ZRANB3: variants seen among roughly 807,000 people sequenced by gnomAD.
The protein encoded by ZRANB3 is zinc finger RANBP2-type containing 3.
ZRANB3 carries 125 observed loss-of-function variants against 133.8 expected under a neutral mutation model. That is an observed-to-expected ratio of 0.93 (90% CI 0.81 to 1.08). The LOEUF is 1.08. Among genes scored for constraint, ZRANB3 ranks in the 50% least tolerant of loss-of-function variants. The pLI, the probability that ZRANB3 is intolerant of heterozygous loss-of-function variation, is 0.00. For missense variants in ZRANB3, 1,229 were observed against 1,275.5 expected (o/e 0.96, Z 0.56); for synonymous variants, 387 against 432.7 (o/e 0.89, Z 1.31).
intron 3 of ZRANB3, among the ~76,000 whole-genome samples, chr2:135,375,601 C>G (rs565831032): frequency 6.6e-6 from 1 of 151,966 alleles, no homozygotes; most frequent in African/African-American, 2.4e-5. Flanking sequence ...AGGAAAATGG[C>G]GTGAACCTGG....
intron 4 of ZRANB3, among the ~76,000 whole-genome samples, chr2:135,353,054 C>G (rs921284155): frequency 9.2e-5 from 14 of 152,070 alleles, no homozygotes; most frequent in African/African-American, 3.4e-4. Context: ...TATTAATTAA[C>G]AAATTGGAAA....
intron 4 of ZRANB3, 144 bp from the exon 5 acceptor site, chr2:135,350,359 T>G (rs1437601835): frequency 1.7e-6 from 1 of 596,262 alleles, no homozygotes; most frequent in Non-Finnish European, 2.7e-6. Flanking sequence ...ACTGAAACTC[T>G]GAAGATTTCA....
chr2:135,344,240 C>T lies in ZRANB3; in HGVS notation c.677+1310G>A, dbSNP rs114943806. ...ATAAAGTTACTTTTCTAAAATGAAG[C>T]GTTCGGCAATAGCAGACGTGAAAAT... On this transcript the variant is annotated intron_variant, in intron 6 of 20. Transcript: ENST00000264159. Among the ~76,000 whole-genome samples, 1,087 of 152,188 alleles carry T rather than the reference C, an allele frequency of 7.1e-3. 11 individuals are homozygous for T. Among genetic ancestry groups the T allele is most frequent in the South Asian group, 0.042 (201 of 4,816 alleles).
At chr2:135,431,859 A>G (rs1689339245) in intron 2 of ZRANB3, among the ~76,000 whole-genome samples, 1 of 152,210 alleles carries the variant, frequency 6.6e-6, no homozygotes, top group Admixed American at 6.6e-5. Flanking sequence ...TGCTGGTGGA[A>G]ATGAAAAATA....
Position 135,217,718 on chromosome 2 carries a change from T to G in ZRANB3, c.2353-111A>C, listed in dbSNP as rs1373584332. 3 of 1,327,698 alleles carry G rather than the reference T, an allele frequency of 2.3e-6. No homozygotes were observed. In the East Asian group the frequency reaches 7.5e-5, roughly 33 times the overall value. The allele number at this position is 1,327,698 out of a possible 1,614,324, so 82.2% of individuals were successfully genotyped here. ...CTGCTATTTTGTTATGTCCCCCAAA[T>G]AGGCTTTTGAGTTCCATAACCTAAG... On this transcript the variant is annotated intron_variant, in intron 16 of 20. Transcript: ENST00000264159.
chr2:135,419,893 C>T (rs551193465), intron 2 of ZRANB3, among the ~76,000 whole-genome samples: 2 of 151,578 alleles, frequency 1.3e-5, no homozygotes, highest in African/African-American at 4.8e-5. Context: ...AGAATCCTCC[C>T]TTAACAGCCT....
rs967669306 is a variant in ZRANB3, at chr2:135,291,495, T to A, written c.967-15740A>T. Among the ~76,000 whole-genome samples the A allele has an allele frequency of 2.0e-5, 3 of 152,144 alleles. No individual in the cohort carries two copies. In the South Asian group the frequency reaches 6.2e-4, roughly 31 times the overall value. On this transcript the variant is annotated intron_variant, in intron 8 of 20. Coordinates refer to ENST00000264159, the MANE Select transcript of ZRANB3 (RefSeq NM_032143.4). ...ACAGCACCTGGCCATTCTTAATTAT[T>A]CTTAGGTTTGGTTGTTTAACGTAAT...
chr2:135,230,792 T>C lies in ZRANB3; in HGVS notation c.1675A>G (p.Thr559Ala). ...TAATCGATGATATCTCTTGCAGCTG[T>C]TTTTGTAGGGTCTGATGACACTACA... ...NTVVSSDPTK[T>A]AARDIIDYES... The change falls in exon 13 of 21, where the codon ACA (threonine) becomes GCA (alanine). Residue 559 changes from threonine (T) to alanine (A), a missense_variant. By Grantham distance (58) the Thr-to-Ala change is moderately conservative. Coordinates refer to ENST00000264159, the MANE Select transcript of ZRANB3 (RefSeq NM_032143.4). 1.2e-6 allele frequency: 2 copies of C among 1,613,918 alleles called. No homozygotes were observed. The highest frequency in any genetic ancestry group is 1.7e-6 in the Non-Finnish European group (2 of 1,179,876).
In ZRANB3 at chr2:135,256,473, C is replaced by T. The variant is rs1033583481; in HGVS notation, c.1539+9061G>A. On this transcript the variant is annotated intron_variant, in intron 12 of 20. Coordinates refer to ENST00000264159, the MANE Select transcript of ZRANB3 (RefSeq NM_032143.4). ...CCTCCCGAGTAGCTGGGATTATAGG[C>T]GCAAGCCACCAGGCCCAGCTAATTT... 6.6e-5 allele frequency among the ~76,000 whole-genome samples: 10 copies of T among 152,276 alleles called. No homozygotes were observed. The East Asian group carries it at 9.7e-4, about 15-fold the overall frequency.
intron 3 of ZRANB3, among the ~76,000 whole-genome samples, chr2:135,374,318 A>C (rs1686321065): frequency 6.6e-6 from 1 of 152,018 alleles, no homozygotes; most frequent in African/African-American, 2.4e-5. Flanking sequence ...AGGCAGGAGA[A>C]CTGCTTGAAC....
intron 2 of ZRANB3, among the ~76,000 whole-genome samples, chr2:135,407,181 GACAA>G (rs371416453): frequency 1.3e-5 from 2 of 151,998 alleles, no homozygotes; most frequent in South Asian, 2.1e-4. Flanking sequence ...ACCAATAACA[GACAA>G]ACAGAGAGCC....
At chr2:135,288,149 C>T (rs1573836235) in intron 8 of ZRANB3, among the ~76,000 whole-genome samples, 1 of 152,142 alleles carries the variant, frequency 6.6e-6, no homozygotes, top group South Asian at 2.1e-4. Flanking sequence ...CAAAAGGATG[C>T]TGGATTTTGT....
intron 2 of ZRANB3, among the ~76,000 whole-genome samples, chr2:135,413,022 G>A (rs770298291): frequency 1.3e-5 from 2 of 151,930 alleles, no homozygotes; most frequent in South Asian, 2.1e-4. Flanking sequence ...TTTCATAATA[G>A]GTAAAAAGAA....
At chr2:135,388,988 G>A (rs1440997497) in intron 3 of ZRANB3, among the ~76,000 whole-genome samples, 1 of 152,196 alleles carries the variant, frequency 6.6e-6, no homozygotes, top group East Asian at 1.9e-4. Flanking sequence ...TGAGGCAGGA[G>A]AATGGCGTGA....
intron 2 of ZRANB3, among the ~76,000 whole-genome samples, chr2:135,413,725 C>A (rs907590152): frequency 2.0e-5 from 3 of 152,040 alleles, no homozygotes; most frequent in Non-Finnish European, 4.4e-5. Context: ...AAACTCAGCC[C>A]TCTATTTCCA....
intron 1 of ZRANB3, among the ~76,000 whole-genome samples, chr2:135,522,095 T>C (rs1693971088): frequency 6.6e-6 from 1 of 152,134 alleles, no homozygotes; most frequent in Admixed American, 6.5e-5. Context: ...ACAACTTGGA[T>C]TCTCCTGAAA....
chr2:135,311,954 A>T (rs72982358), intron 8 of ZRANB3, among the ~76,000 whole-genome samples: 7 of 152,008 alleles, frequency 4.6e-5, no homozygotes, highest in Admixed American at 1.3e-4. Flanking sequence ...GACAGAAAGC[A>T]TATCTGTGGT....
At chr2:135,455,531 T>TCTAGTTCA (rs1431606472) in intron 2 of ZRANB3, among the ~76,000 whole-genome samples, 1 of 150,842 alleles carries the variant, frequency 6.6e-6, no homozygotes, top group African/African-American at 2.4e-5. Flanking sequence ...TTTTCAACCT[T>TCTAGTTCA]CTAGTTCACC....
chr2:135,437,305 T>C (rs1041400628), intron 2 of ZRANB3, among the ~76,000 whole-genome samples: 1 of 152,194 alleles, frequency 6.6e-6, no homozygotes, highest in Admixed American at 6.5e-5. Flanking sequence ...TATTTACAAC[T>C]ACACAACATG....
Sources: allele counts gnomAD v4.1 joint callset (sites outside exome capture counted in the v4.1 genomes callset), GRCh38; gene constraint gnomAD v4.1.1; transcripts MANE v1.5; gene names NCBI Gene and HGNC (gene_info 2026-07-23, HGNC 2026-07-21).